The following ERC1 variants were observed in gnomAD, a reference collection of about 807,000 sequenced individuals.
The protein encoded by ERC1 is RAB6 interacting protein 2.
In ERC1, 56 loss-of-function variants were observed where a neutral mutation model predicts 132.0. The observed-to-expected ratio is 0.42, with a 90% CI of 0.34 to 0.53. The LOEUF is 0.53. Among genes scored for constraint, ERC1 ranks in the 20% least tolerant of loss-of-function variants. The pLI is 0.03. For missense variants in ERC1, 1,202 were observed against 1,349.9 expected (o/e 0.89, Z 1.72); for synonymous variants, 478 against 476.1 (o/e 1.00, Z -0.05).
intron 15 of ERC1, among the ~76,000 whole-genome samples, chr12:1,363,926 A>G (rs1030035524): frequency 6.6e-5 from 10 of 152,248 alleles, no homozygotes; most frequent in Non-Finnish European, 2.9e-5. Flanking sequence ...TGAGATGAGC[A>G]GCAAGTGAGA....
chr12:1,177,352 C>A (rs1953851304), intron 8 of ERC1, among the ~76,000 whole-genome samples: 1 of 152,120 alleles, frequency 6.6e-6, no homozygotes, highest in Admixed American at 6.5e-5. Context: ...TAAGCTTAAT[C>A]TTTTTTACTT....
At chr12:1,432,347 A>T (rs763265926) in intron 17 of ERC1, among the ~76,000 whole-genome samples, 88 of 152,312 alleles carry the variant, frequency 5.8e-4, no homozygotes, top group Middle Eastern at 6.8e-3. Flanking sequence ...GGCGGAGCTG[A>T]ATTTGGTTCA....
intron 8 of ERC1, among the ~76,000 whole-genome samples, chr12:1,152,066 G>A (rs1356213682): frequency 6.6e-6 from 1 of 152,130 alleles, no homozygotes; most frequent in Non-Finnish European, 1.5e-5. Flanking sequence ...TGGGAGTAGT[G>A]GCAGGTGCCT....
At chr12:1,253,200 C>T (rs73595922) in intron 13 of ERC1, among the ~76,000 whole-genome samples, 7,455 of 152,222 alleles carry the variant, frequency 0.049, 412 homozygotes, top group African/African-American at 0.14. Context: ...GGCCTTCTTT[C>T]TGCTGCAGAA....
chr12:1,255,852 G>A (rs1183325284), intron 13 of ERC1, among the ~76,000 whole-genome samples: 1 of 151,348 alleles, frequency 6.6e-6, no homozygotes, highest in African/African-American at 2.4e-5. Context: ...TGTTAGCCAG[G>A]ATGGTCTCAA....
chr12:1,164,628 C>G (rs1431964446), intron 8 of ERC1, among the ~76,000 whole-genome samples: 1 of 152,346 alleles, frequency 6.6e-6, no homozygotes, highest in East Asian at 1.9e-4. Context: ...GCGTGAGCCA[C>G]TGTGCCTGGC....
At chr12:1,372,323 C>G (rs1467531896) in intron 16 of ERC1, among the ~76,000 whole-genome samples, 1 of 152,034 alleles carries the variant, frequency 6.6e-6, no homozygotes, top group Non-Finnish European at 1.5e-5. Flanking sequence ...ACAGCAGCCA[C>G]TAAGGATATT....
chr12:1,130,409 A>G (rs1471200687), intron 7 of ERC1, among the ~76,000 whole-genome samples: 1 of 151,432 alleles, frequency 6.6e-6, no homozygotes, highest in Non-Finnish European at 1.5e-5. Flanking sequence ...GTGTTATGTT[A>G]TGTGTTGGCT....
rs201756475 is a variant in ERC1 at position 1,081,035 on chromosome 12, CA to C, written c.670-2128del. Among the ~76,000 whole-genome samples the C allele has an allele frequency of 4.9e-3, 747 of 152,160 alleles. 4 individuals carry two copies. Among genetic ancestry groups the C allele is most frequent in the Admixed American group, 9.8e-3 (150 of 15,280 alleles). On this transcript the variant is annotated intron_variant, in intron 2 of 18. Coordinates refer to ENST00000360905, the MANE Select transcript of ERC1 (RefSeq NM_178040.4). ...GAAAGATGGTGACATGTCTAAATGT[CA>C]TAACTAGTCAGCGTGAGAGTCAGAA...
intron 7 of ERC1, among the ~76,000 whole-genome samples, chr12:1,137,807 T>C (rs960962630): frequency 6.6e-6 from 1 of 150,798 alleles, no homozygotes; most frequent in Non-Finnish European, 1.5e-5. Flanking sequence ...GAGCCGAGAT[T>C]GCGCCACTGC....
chr12:1,457,224 TTCCCACAACAAGACC>T (rs944380492), intron 18 of ERC1, among the ~76,000 whole-genome samples: 8 of 152,192 alleles, frequency 5.3e-5, no homozygotes, highest in African/African-American at 1.9e-4. Flanking sequence ...GTCTGTGATG[TTCCCACAACAAGACC>T]TCCTGACGAT....
chr12:1,341,063 C>CTTTTTCTTTTT (rs2083799381), intron 15 of ERC1, among the ~76,000 whole-genome samples: 1 of 45,160 alleles, frequency 2.2e-5, no homozygotes, highest in Admixed American at 3.2e-4. Context: ...TTATTCTTTT[C>CTTTTTCTTTTT]TTTTTCTTTT....
chr12:1,083,903 AAC>A (rs1209520466), intron 3 of ERC1, among the ~76,000 whole-genome samples: 2 of 152,248 alleles, frequency 1.3e-5, no homozygotes, highest in African/African-American at 4.8e-5. Flanking sequence ...AGAGACAACA[AAC>A]ACAACAAAAC....
At chr12:1,373,503 CG>C (rs2087491809) in intron 16 of ERC1, among the ~76,000 whole-genome samples, 1 of 152,180 alleles carries the variant, frequency 6.6e-6, no homozygotes, top group African/African-American at 2.4e-5. Context: ...GGAAATTGGC[CG>C]GGCACGGTGG....
intron 12 of ERC1, among the ~76,000 whole-genome samples, chr12:1,229,572 T>C (rs75631579): frequency 0.023 from 3,525 of 152,344 alleles, 58 homozygotes; most frequent in East Asian, 0.073. Flanking sequence ...TCTAGAAATT[T>C]ATTCATTTCT....
At chr12:1,024,499 G>C (rs1424692250) in intron 1 of ERC1, among the ~76,000 whole-genome samples, 1 of 152,072 alleles carries the variant, frequency 6.6e-6, no homozygotes, top group Non-Finnish European at 1.5e-5. Context: ...CTTTTAACCT[G>C]TTTGACCAGA....
At chr12:1,174,256 A>C (rs1953432774) in intron 8 of ERC1, among the ~76,000 whole-genome samples, 1 of 152,212 alleles carries the variant, frequency 6.6e-6, no homozygotes, top group South Asian at 2.1e-4. Context: ...GGTCTTCCTC[A>C]CTGATGGCAG....
At chr12:1,156,661 C>G (rs75269025) in intron 8 of ERC1, among the ~76,000 whole-genome samples, 3 of 152,082 alleles carry the variant, frequency 2.0e-5, no homozygotes, top group Non-Finnish European at 4.4e-5. Context: ...CTGATTTACA[C>G]GGAGAATGTT....
At chr12:1,069,616 A>C (rs1939953245) in intron 2 of ERC1, among the ~76,000 whole-genome samples, 1 of 152,218 alleles carries the variant, frequency 6.6e-6, no homozygotes, top group South Asian at 2.1e-4. Context: ...TATCTCCAGA[A>C]TACTTAGGGC....
Sources: allele counts gnomAD v4.1 joint callset (sites outside exome capture counted in the v4.1 genomes callset), GRCh38; gene constraint gnomAD v4.1.1; transcripts MANE v1.5; gene names NCBI Gene and HGNC (gene_info 2026-07-23, HGNC 2026-07-21).